Variants in CALN1 observed in about 807,000 individuals in gnomAD.
The protein encoded by CALN1 is calcium-binding protein 8.
Under a neutral mutation model 30.6 loss-of-function variants are expected in CALN1, and 17 were observed. The ratio of observed to expected loss-of-function variants is 0.56; its 90% CI spans 0.38 to 0.83. The LOEUF (loss-of-function observed/expected upper bound fraction) is 0.83. CALN1 is among the 40% of genes least tolerant of loss of function. The pLI is 0.00. For missense variants in CALN1, 291 were observed against 354.9 expected (o/e 0.82, Z 1.45); for synonymous variants, 156 against 131.4 (o/e 1.19, Z -1.28).
intron 3 of CALN1, among the ~76,000 whole-genome samples, chr7:72,122,934 A>G (rs564457124): frequency 6.6e-6 from 1 of 152,310 alleles, no homozygotes; most frequent in South Asian, 2.1e-4. Context: ...TGAAAGCACA[A>G]TCAGGCAGCC....
chr7:72,164,598 GAC>G (rs1788385204), intron 3 of CALN1, among the ~76,000 whole-genome samples: 1 of 152,240 alleles, frequency 6.6e-6, no homozygotes, highest in Admixed American at 6.5e-5. Context: ...AAAATAAACT[GAC>G]ACTGTTTTAA....
chr7:72,315,756 G>C (rs1263216591), intron 2 of CALN1, among the ~76,000 whole-genome samples: 1 of 152,032 alleles, frequency 6.6e-6, no homozygotes, highest in Admixed American at 6.6e-5. Context: ...CATTGGTAAG[G>C]ATGGATAGAA....
intron 6 of CALN1, among the ~76,000 whole-genome samples, chr7:71,796,297 T>A (rs964112798): frequency 2.6e-5 from 4 of 151,976 alleles, no homozygotes; most frequent in Non-Finnish European, 5.9e-5. Context: ...TGTCTTAAAT[T>A]CTCTTGGGTG....
chr7:72,054,682 T>C (rs890468785), intron 4 of CALN1, among the ~76,000 whole-genome samples: 20 of 151,814 alleles, frequency 1.3e-4, no homozygotes, highest in Admixed American at 2.6e-4. Flanking sequence ...ATACTGCATG[T>C]TCTTACTTAG....
At chr7:71,978,114 A>C (rs1798191328) in intron 5 of CALN1, among the ~76,000 whole-genome samples, 1 of 151,778 alleles carries the variant, frequency 6.6e-6, no homozygotes, top group Non-Finnish European at 1.5e-5. Context: ...CCCCACCATA[A>C]GAGTCTTGGT....
the CALN1 span, among the ~76,000 whole-genome samples, chr7:72,472,040 C>T: frequency 1.4e-3 from 217 of 152,200 alleles, no homozygotes; most frequent in Admixed American, 2.9e-3. Context: ...AAGAAATCCT[C>T]GCACCTCGAC....
At chr7:72,298,236 C>T (rs150280149) in intron 2 of CALN1, among the ~76,000 whole-genome samples, 12 of 152,156 alleles carry the variant, frequency 7.9e-5, no homozygotes, top group East Asian at 3.9e-4. Context: ...AGAAAGCGTG[C>T]GACTCTTATT....
At chr7:71,936,855 G>A (rs1300347705) in intron 5 of CALN1, among the ~76,000 whole-genome samples, 1 of 151,578 alleles carries the variant, frequency 6.6e-6, no homozygotes, top group Non-Finnish European at 1.5e-5. Flanking sequence ...TACTGTTCTC[G>A]TGGTAGTGAG....
At chr7:71,844,983 G>A (rs531258075) in intron 5 of CALN1, among the ~76,000 whole-genome samples, 80 of 152,022 alleles carry the variant, frequency 5.3e-4, no homozygotes, top group Non-Finnish European at 9.3e-4. Flanking sequence ...TCTGCCACCC[G>A]GGTTCAAGCA....
chr7:72,137,684 A>G (rs1043318918), intron 3 of CALN1, among the ~76,000 whole-genome samples: 39 of 152,212 alleles, frequency 2.6e-4, no homozygotes, highest in African/African-American at 8.7e-4. Flanking sequence ...GGAAATTTGA[A>G]TAGAGTCTGT....
intron 2 of CALN1, among the ~76,000 whole-genome samples, chr7:72,344,699 TTA>T (rs1802542808): frequency 6.8e-6 from 1 of 147,340 alleles, no homozygotes; most frequent in Non-Finnish European, 1.5e-5. Context: ...ATTTACATTT[TTA>T]TTTATATATG....
intron 3 of CALN1, among the ~76,000 whole-genome samples, chr7:72,248,715 G>C (rs913632828): frequency 6.6e-6 from 1 of 151,932 alleles, no homozygotes. Flanking sequence ...ATGTTCACAA[G>C]TGTCAGGAAT....
chr7:72,220,192 T>TC (rs1793176777), intron 3 of CALN1, among the ~76,000 whole-genome samples: 1 of 71,988 alleles, frequency 1.4e-5, no homozygotes, highest in Non-Finnish European at 2.5e-5. Context: ...CCCTCCCCCC[T>TC]CCCCCCACCC....
chr7:71,810,888 G>A (rs1003755252), intron 5 of CALN1, among the ~76,000 whole-genome samples: 3 of 146,142 alleles, frequency 2.1e-5, no homozygotes, highest in Non-Finnish European at 4.5e-5. Context: ...ATTGGTTTAA[G>A]CATGTATCTT....
At chr7:72,442,931 A>G (rs939978379) in intron 1 of CALN1, among the ~76,000 whole-genome samples, 8 of 151,204 alleles carry the variant, frequency 5.3e-5, no homozygotes, top group Non-Finnish European at 1.2e-4. Flanking sequence ...TAAGGGTTGC[A>G]CTTATTTAGG....
At chr7:72,328,649 T>C (rs186827641) in intron 2 of CALN1, among the ~76,000 whole-genome samples, 7 of 152,344 alleles carry the variant, frequency 4.6e-5, no homozygotes, top group Non-Finnish European at 7.4e-5. Context: ...TTTGTAGATA[T>C]AGTCTCCCAA....
intron 4 of CALN1, among the ~76,000 whole-genome samples, chr7:72,088,393 G>A (rs1805619709): frequency 6.6e-6 from 1 of 152,002 alleles, no homozygotes; most frequent in South Asian, 2.1e-4. Context: ...AGCACTCGTA[G>A]ACCTTCAAAA....
chr7:72,130,308 A>G (rs1425131252), intron 3 of CALN1, among the ~76,000 whole-genome samples: 3 of 152,220 alleles, frequency 2.0e-5, no homozygotes, highest in Admixed American at 6.5e-5. Context: ...GAGTAAGCTA[A>G]GCGGATTTTA....
At chr7:72,410,981 T>C (rs1040651766) in intron 1 of CALN1, among the ~76,000 whole-genome samples, 5 of 152,206 alleles carry the variant, frequency 3.3e-5, no homozygotes, top group African/African-American at 7.2e-5. Context: ...GATATGATTA[T>C]ATGTATGGAA....
Sources: allele counts gnomAD v4.1 joint callset (sites outside exome capture counted in the v4.1 genomes callset), GRCh38; gene constraint gnomAD v4.1.1; transcripts MANE v1.5; gene names NCBI Gene and HGNC (gene_info 2026-07-23, HGNC 2026-07-21).